The following TNK2 variants were observed in gnomAD, a reference collection of about 807,000 sequenced individuals.
TNK2 encodes the protein tyrosine kinase non receptor 2, also known as activated CDC42 kinase 1.
TNK2 carries 83 observed loss-of-function variants against 101.8 expected under a neutral mutation model. The observed-to-expected ratio is 0.82, with a 90% CI of 0.68 to 0.98. The LOEUF (loss-of-function observed/expected upper bound fraction) is 0.98. Ranked by LOEUF, TNK2 falls within the 50% of genes least tolerant of loss-of-function variation. The pLI is 0.00. For missense variants in TNK2, 1,665 were observed against 1,483.2 expected, an observed-to-expected ratio of 1.12 and a Z score of -2.01; for synonymous variants, 804 against 633.0, an observed-to-expected ratio of 1.27 and a Z score of -4.06.
In TNK2 at chr3:195,869,494, TACTC is replaced by T. The variant is rs945895506; in HGVS notation, c.1587_1588+2del. ...CCAAGGCATCGGAAGCAGCCCCACT[TACTC>T]TGAGTGAAGAAGGCAGGCTGAGGTG... On this transcript the variant is annotated splice_donor_variant and coding_sequence_variant, in exon 12 of 16. Coordinates refer to ENST00000672887, the MANE Select transcript of TNK2 (RefSeq NM_001382273.1). LOFTEE classifies it high-confidence loss of function. The T allele has an allele frequency of 1.3e-6, 2 of 1,550,476 alleles. No homozygotes were observed. The highest frequency in any genetic ancestry group is 2.7e-5 in the African/African-American group (2 of 73,026).
chr3:195,884,721 G>A, intron 4 of TNK2, 91 bp downstream of exon 4: 1 of 1,219,552 alleles, frequency 8.2e-7, no homozygotes, highest in South Asian at 1.4e-5. Flanking sequence ...CGCATCCCCA[G>A]TCCCATCCAC....
At chr3:195,870,973 G>GGGGTTCTGGTGTGTGGGGGCCCGCTGTGT (rs71180978) in intron 10 of TNK2, among the ~76,000 whole-genome samples, 16,600 of 128,176 alleles carry the variant, frequency 0.13, 1,557 homozygotes, top group Middle Eastern at 0.21. Flanking sequence ...CTCGCTGTGT[G>GGGGTTCTGGTGTGTGGGGGCCCGCTGTGT]GGGTTCTGGT....
At chr3:195,892,488 T>C in intron 1 of TNK2, 2 of 1,535,376 alleles carry the variant, frequency 1.3e-6, no homozygotes, top group African/African-American at 1.4e-5. Context: ...GCTGCCGGCA[T>C]CTCCACGCAG....
chr3:195,875,933 A>C (rs945957626), intron 9 of TNK2, among the ~76,000 whole-genome samples: 1 of 152,144 alleles, frequency 6.6e-6, no homozygotes, highest in Non-Finnish European at 1.5e-5. Flanking sequence ...GTCCGGGCCG[A>C]AGGTAGTCCA....
intron 9 of TNK2, among the ~76,000 whole-genome samples, chr3:195,873,030 G>C (rs1055823862): frequency 1.3e-5 from 2 of 152,116 alleles, no homozygotes; most frequent in African/African-American, 4.8e-5. Flanking sequence ...ATGCAGACGC[G>C]GGAGAGTCTA....
At chr3:195,895,528 C>A in intron 1 of TNK2, 1 of 1,350,978 alleles carries the variant, frequency 7.4e-7, no homozygotes. Context: ...GCCATTCCCT[C>A]CTGCAGCCCG....
At chr3:195,899,093 C>A (rs2149838298) in intron 1 of TNK2, among the ~76,000 whole-genome samples, 1 of 152,222 alleles carries the variant, frequency 6.6e-6, no homozygotes, top group African/African-American at 2.4e-5. Flanking sequence ...GACTCCGTCT[C>A]AATAAATAAA....
chr3:195,905,446 G>A (rs952392645), intron 1 of TNK2, among the ~76,000 whole-genome samples: 11 of 152,014 alleles, frequency 7.2e-5, no homozygotes, highest in Admixed American at 4.6e-4. Context: ...TGATCCGCCC[G>A]CCTCAGCCTC....
Position 195,891,088 on chromosome 3 carries a change from T to C in TNK2, c.-18-2482A>G, listed in dbSNP as rs116205407. On this transcript the variant is annotated intron_variant, in intron 1 of 15. Coordinates refer to ENST00000672887, the MANE Select transcript of TNK2 (RefSeq NM_001382273.1). ...TAACATGTTAATATAACAGGTTATA[T>C]ATTTCTATTAACTTTATTTAAGACA... 6.4e-3 allele frequency among the ~76,000 whole-genome samples: 975 copies of C among 152,374 alleles called. 21 individuals carry two copies. Among genetic ancestry groups the C allele is most frequent in the African/African-American group, 0.022 (917 of 41,570 alleles).
At chr3:195,891,742 C>T (rs893572188) in intron 1 of TNK2, among the ~76,000 whole-genome samples, 1 of 152,138 alleles carries the variant, frequency 6.6e-6, no homozygotes, top group African/African-American at 2.4e-5. Context: ...CTTCTTTTTC[C>T]CACCACCAAC....
chr3:195,885,586 G>T lies in TNK2; in HGVS notation c.235-553C>A. 7.8e-7 allele frequency: 1 copy of T among 1,289,946 alleles called. No individual in the cohort carries two copies. 79.9% of individuals were successfully genotyped at this position (1,289,946 alleles called of 1,614,324 possible). A position where few individuals can be genotyped will look rare whatever the true frequency, so the allele number is the denominator to read the frequency against. The stretch of plus-strand genomic sequence containing the variant: ...TAATTTTAGTCTGAGGTTGAACCGT[G>T]AGTGTGTGTGTGGTTCAGATGAAGC... On this transcript the variant is annotated intron_variant, in intron 3 of 15. Coordinates refer to ENST00000672887, the MANE Select transcript of TNK2 (RefSeq NM_001382273.1). This position sits in a 1 kb window ranked among gnomAD's most constrained non-coding sequence, Gnocchi z 4.7.
At chr3:195,895,710 G>A in intron 1 of TNK2, 1 of 706,874 alleles carries the variant, frequency 1.4e-6, no homozygotes, top group South Asian at 4.9e-5. Context: ...GCCACCAACT[G>A]GGGCCTTGGG....
Position 195,872,263 on chromosome 3 carries a change from GC to G in TNK2, c.1451+12del, listed in dbSNP as rs1745997417. The stretch of plus-strand genomic sequence containing the variant: ...CGGGGCCAGGTCAGCATCCATCCCC[GC>G]CCAGTACTCACTCGTCAATCCTGTC... On this transcript the variant is annotated intron_variant, in intron 10 of 15. Transcript: ENST00000672887. The G allele has an allele frequency of 1.2e-6, 2 of 1,612,876 alleles. No individual in the cohort carries two copies. Among genetic ancestry groups the G allele is most frequent in the Non-Finnish European group, 1.7e-6 (2 of 1,179,728 alleles).
chr3:195,886,944 C>G lies in TNK2; in HGVS notation c.234+33G>C, dbSNP rs756148689. 6.2e-7 allele frequency: 1 copy of G among 1,607,942 alleles called. No individual in the cohort carries two copies. The highest frequency in any genetic ancestry group is 1.3e-5 in the African/African-American group (1 of 74,806). ...CGGAGGGGGGCGTTCGAGGCTGCCC[C>G]CCTCCCACCTCCTCACCCACCTCCT... On this transcript the variant is annotated intron_variant, in intron 3 of 15. Coordinates refer to ENST00000672887, the MANE Select transcript of TNK2 (RefSeq NM_001382273.1). This position sits in a 1 kb window ranked among gnomAD's most constrained non-coding sequence, Gnocchi z 4.2.
At position 195,878,171 on chromosome 3, in the gene TNK2, G is replaced by C; in HGVS notation, c.1256+82C>G. On this transcript the variant is annotated intron_variant, in intron 9 of 15. Transcript: ENST00000672887. This position sits in a 1 kb window ranked among gnomAD's most constrained non-coding sequence, Gnocchi z 4.7. ...GTATGTGGCCAAGGGAATCTTGGAG[G>C]CCAAACAGATCTGTCCACAGGTCCC... is the stretch of plus-strand genomic sequence containing the variant. 1 of 1,449,696 alleles carries C rather than the reference G, an allele frequency of 6.9e-7. No homozygotes were observed. The allele number at this position is 1,449,696 out of a possible 1,614,324, so 89.8% of individuals were successfully genotyped here.
Position 195,884,956 on chromosome 3 carries a change from G to T in TNK2, c.312C>A (p.Ala104=). 5.0e-6 allele frequency: 8 copies of T among 1,613,896 alleles called. No individual in the cohort carries two copies. Among genetic ancestry groups the T allele is most frequent in the Non-Finnish European group, 6.8e-6 (8 of 1,179,876 alleles). Residue 104 remains alanine (A), a synonymous_variant, in exon 4 of 16, where the codon GCC becomes GCA. Coordinates refer to ENST00000672887, the MANE Select transcript of TNK2 (RefSeq NM_001382273.1). ...GCCCCTCCCCTGCTGGGCCCCCAGG[G>T]GCGGGCGAGGTCTTCCGGAAGGTGC... ...SQSTFRKTSP[A]PGGPAGEGPL... is the part of the protein sequence containing the mutation.
At chr3:195,866,351 C>T (rs1188239448) in intron 15 of TNK2, among the ~76,000 whole-genome samples, 4 of 152,138 alleles carry the variant, frequency 2.6e-5, no homozygotes, top group African/African-American at 9.7e-5. Flanking sequence ...CAGGTGCCCA[C>T]CACCATACCC....
chr3:195,890,836 A>G (rs1214786642), intron 1 of TNK2, among the ~76,000 whole-genome samples: 1 of 152,228 alleles, frequency 6.6e-6, no homozygotes, highest in Non-Finnish European at 1.5e-5. Context: ...ACTATTTGCA[A>G]AAATGTCAGT....
intron 9 of TNK2, 83 bp from the exon 10 acceptor site, chr3:195,872,553 G>A (rs1266179495): frequency 2.9e-6 from 4 of 1,398,498 alleles, no homozygotes; most frequent in Non-Finnish European, 3.8e-6. Flanking sequence ...CCTGGCCACT[G>A]TGGCAGAAGG....
Sources: allele counts gnomAD v4.1 joint callset (sites outside exome capture counted in the v4.1 genomes callset), GRCh38; gene constraint gnomAD v4.1.1; non-coding constraint Gnocchi (gnomAD v3.1); transcripts MANE v1.5; gene names NCBI Gene and HGNC (gene_info 2026-07-23, HGNC 2026-07-21).